Variants in DOCK8 observed in about 807,000 individuals in gnomAD.
The protein encoded by DOCK8 is dedicator of cytokinesis protein 8.
DOCK8 carries 141 observed loss-of-function variants against 245.6 expected under a neutral mutation model. The ratio of observed to expected loss-of-function variants is 0.57; its 90% confidence interval spans 0.50 to 0.66. The LOEUF (loss-of-function observed/expected upper bound fraction) is 0.66. DOCK8 is among the 30% of genes least tolerant of loss of function. The probability of loss-of-function intolerance (pLI) is 0.00; values close to 1 mark genes in which losing one functional copy is unlikely to be tolerated. For missense variants in DOCK8, 2,965 were observed against 2,603.4 expected (o/e 1.14, Z -3.02); for synonymous variants, 1,168 against 970.2 (o/e 1.20, Z -3.79).
chr9:248,748 C>G (rs1409032715), intron 1 of DOCK8, among the ~76,000 whole-genome samples: 1 of 152,160 alleles, frequency 6.6e-6, no homozygotes, highest in Admixed American at 6.6e-5. Flanking sequence ...TGGTTTGTGG[C>G]TGTAAGTACT....
chr9:399,196 T>C lies in DOCK8; in HGVS notation c.3171T>C (p.Tyr1057=). 1 of 1,614,118 alleles carries C rather than the reference T, an allele frequency of 6.2e-7. No homozygotes were observed. Among genetic ancestry groups the C allele is most frequent in the Non-Finnish European group, 8.5e-7 (1 of 1,180,014 alleles). Residue 1057 remains tyrosine (Y), a synonymous_variant, in exon 26 of 48, where the codon TAT becomes TAC. Coordinates refer to ENST00000432829, the MANE Select transcript of DOCK8 (RefSeq NM_203447.4). ...KMNISLAFFL[Y]DLLSLMDRGF... Reference sequence around the variant, plus strand: ...ACATCAGCCTGGCTTTCTTCTTGTATGACCTTCTCTCCCTCATGGATCGGG... The same window carrying C: ...ACATCAGCCTGGCTTTCTTCTTGTACGACCTTCTCTCCCTCATGGATCGGG...
intron 2 of DOCK8, chr9:273,136 A>T (rs1208481533): frequency 5.5e-6 from 5 of 914,132 alleles, no homozygotes; most frequent in Non-Finnish European, 6.3e-6. Flanking sequence ...GTTATTTCAG[A>T]AGGATAATTT....
chr9:429,122 G>T (rs1392852991), intron 35 of DOCK8, among the ~76,000 whole-genome samples: 1 of 152,006 alleles, frequency 6.6e-6, no homozygotes, highest in Non-Finnish European at 1.5e-5. Flanking sequence ...GTGTGCCACC[G>T]CACCCAGCTA....
chr9:341,841 T>A (rs1325301008), intron 14 of DOCK8, among the ~76,000 whole-genome samples: 1 of 152,178 alleles, frequency 6.6e-6, no homozygotes, highest in Non-Finnish European at 1.5e-5. Flanking sequence ...CATTACCACC[T>A]GAGCTCCTCC....
In DOCK8 at chr9:393,590, T is replaced by C. The variant is rs60380932; in HGVS notation, c.2970+3024T>C. On this transcript the variant is annotated intron_variant, in intron 24 of 47. Transcript: ENST00000432829. ...CTAACTGCTTTTGGCCTTGCACATTTATTTACTAGGGCTTCGTTGGCCCAG... is the reference window on the plus strand; with the variant it reads ...CTAACTGCTTTTGGCCTTGCACATTCATTTACTAGGGCTTCGTTGGCCCAG... Among the ~76,000 whole-genome samples the C allele has an allele frequency of 8.5e-3, 1,299 of 152,330 alleles. 18 individuals carry two copies. Among genetic ancestry groups the C allele is most frequent in the African/African-American group, 0.03 (1,252 of 41,582 alleles).
chr9:352,724 G>T (rs554491929), intron 14 of DOCK8, among the ~76,000 whole-genome samples: 2,491 of 131,944 alleles, frequency 0.019, 76 homozygotes, highest in African/African-American at 0.065. Flanking sequence ...TCCAGTGACA[G>T]TGTGAGACTC....
chr9:229,973 G>A (rs374919331), intron 1 of DOCK8, among the ~76,000 whole-genome samples: 3 of 150,558 alleles, frequency 2.0e-5, no homozygotes, highest in African/African-American at 7.3e-5. Context: ...TTACATATGT[G>A]TACATGTGCC....
At chr9:295,674 T>C (rs1275233743) in intron 4 of DOCK8, among the ~76,000 whole-genome samples, 1 of 152,204 alleles carries the variant, frequency 6.6e-6, no homozygotes, top group African/African-American at 2.4e-5. Flanking sequence ...AACACTGATT[T>C]AGTTAGCTCC....
chr9:326,348 A>G (rs2050768082), intron 8 of DOCK8, among the ~76,000 whole-genome samples: 1 of 152,222 alleles, frequency 6.6e-6, no homozygotes, highest in African/African-American at 2.4e-5. Flanking sequence ...ATAAATATTA[A>G]TAATCACTGA....
rs771551512 is a variant in DOCK8 at position 433,826 on chromosome 9, A to C, written c.4786-49A>C. 6.8e-6 allele frequency: 10 copies of C among 1,460,024 alleles called. No individual in the cohort carries two copies. The South Asian group carries it at 1.1e-4, about 17-fold the overall frequency. The allele number at this position is 1,460,024 out of a possible 1,614,324, so 90.4% of individuals were successfully genotyped here. ...CATTTCAATGTAATCCTAACTCTTC[A>C]CCTGGGACTACAAAGCTAAGATTAT... On this transcript the variant is annotated intron_variant, in intron 37 of 47. Coordinates refer to ENST00000432829, the MANE Select transcript of DOCK8 (RefSeq NM_203447.4).
chr9:285,555 A>C (rs969773694), intron 2 of DOCK8, among the ~76,000 whole-genome samples: 1 of 152,132 alleles, frequency 6.6e-6, no homozygotes, highest in African/African-American at 2.4e-5. Flanking sequence ...ACACAAATCT[A>C]CTTGATCTAA....
At chr9:324,634 G>A (rs1437813265) in intron 7 of DOCK8, among the ~76,000 whole-genome samples, 2 of 152,088 alleles carry the variant, frequency 1.3e-5, no homozygotes, top group East Asian at 1.9e-4. Flanking sequence ...CTGTGCTCAA[G>A]CCCCTCCCTG....
intron 5 of DOCK8, among the ~76,000 whole-genome samples, chr9:307,197 T>C (rs10813156): frequency 0.61 from 93,318 of 151,826 alleles, 29,877 homozygotes; most frequent in East Asian, 0.76. Context: ...TTTGCTGACC[T>C]AGCATCAAAG....
In DOCK8 at chr9:215,021, G is replaced by C; in HGVS notation, c.45G>C (p.Lys15Asn). 1 of 1,589,320 alleles carries C rather than the reference G, an allele frequency of 6.3e-7. No individual in the cohort carries two copies. The highest frequency in any genetic ancestry group is 8.5e-7 in the Non-Finnish European group (1 of 1,173,776). Residue 15 changes from lysine (K) to asparagine (N), a missense_variant, in exon 1 of 48, where the codon AAG becomes AAC. Lys to Asn is a moderately conservative substitution (Grantham distance 94). Around this residue, in one of 3 missense-constraint regions of DOCK8, gnomAD observed 2,825 missense variants for 2,453.5 expected, o/e 1.15. Coordinates refer to ENST00000432829, the MANE Select transcript of DOCK8 (RefSeq NM_203447.4). ...PSAERRAFALKINRYSSAEIR... is the reference protein window; with the variant it reads ...PSAERRAFALNINRYSSAEIR... The stretch of plus-strand genomic sequence containing the variant: ...CAGAGCGCCGCGCGTTCGCGCTCAA[G>C]ATCAACAGGTAAGACGCCCCCCGCG...
intron 28 of DOCK8, 35 bp downstream of exon 28, chr9:407,104 CA>C (rs745878222): frequency 7.1e-5 from 115 of 1,613,102 alleles, no homozygotes; most frequent in Non-Finnish European, 9.5e-5. Context: ...AAGATGAAGC[CA>C]AAAAAACAGA....
chr9:383,693 T>C, intron 22 of DOCK8, among the ~76,000 whole-genome samples: 1 of 87,508 alleles, frequency 1.1e-5, no homozygotes, highest in African/African-American at 4.8e-5. Flanking sequence ...AGAGTGAGAC[T>C]CCGTCTCAAA....
chr9:427,116 GTTTACTA>G (rs1377515584), intron 34 of DOCK8, 135 bp downstream of exon 34: 2 of 768,956 alleles, frequency 2.6e-6, no homozygotes, highest in Non-Finnish European at 4.4e-6. Context: ...AAGTTGAGAA[GTTTACTA>G]TTTACAACAG....
chr9:413,481 G>A (rs184733245), intron 28 of DOCK8, among the ~76,000 whole-genome samples: 29 of 152,218 alleles, frequency 1.9e-4, no homozygotes, highest in Admixed American at 1.7e-3. Flanking sequence ...CACACAAAAT[G>A]GGAGAAAATA....
chr9:253,350 G>A (rs1041557480), intron 1 of DOCK8, among the ~76,000 whole-genome samples: 2 of 152,130 alleles, frequency 1.3e-5, no homozygotes, highest in African/African-American at 2.4e-5. Flanking sequence ...GATTGGTCAC[G>A]GATTTCTTTC....
Sources: allele counts gnomAD v4.1 joint callset (sites outside exome capture counted in the v4.1 genomes callset), GRCh38; gene constraint gnomAD v4.1.1; regional missense constraint gnomAD v4.1.1; transcripts MANE v1.5; gene names NCBI Gene and HGNC (gene_info 2026-07-23, HGNC 2026-07-21).